Variants in PCDHGB4 observed in about 807,000 individuals in gnomAD.
The protein encoded by PCDHGB4 is protocadherin gamma-B4.
PCDHGB4 carries 38 observed loss-of-function variants against 60.5 expected under a neutral mutation model. The observed-to-expected ratio is 0.63, with a 90% CI of 0.48 to 0.82. The LOEUF is 0.82. PCDHGB4 is among the 40% of genes least tolerant of loss of function. The probability of loss-of-function intolerance (pLI) is 0.00; values close to 1 mark genes in which losing one functional copy is unlikely to be tolerated. For missense variants in PCDHGB4, 1,109 were observed against 1,209.6 expected (o/e 0.92, Z 1.23); for synonymous variants, 456 against 509.7 (o/e 0.89, Z 1.42).
Position 141,490,226 on chromosome 5 carries a change from C to T in PCDHGB4, c.2398-4581C>T. On this transcript the variant is annotated intron_variant, in intron 1 of 3. Coordinates refer to ENST00000519479, the MANE Select transcript of PCDHGB4 (RefSeq NM_003736.4). This position sits in a 1 kb window ranked among gnomAD's most constrained non-coding sequence, Gnocchi z 5.4. ...AGAGCCCGTGACCAGGGACAGCCTG[C>T]CATGGAGGGCCACTGTGTGATTCAA... The T allele has an allele frequency of 6.2e-7, 1 of 1,614,168 alleles. No homozygotes were observed. Among genetic ancestry groups the T allele is most frequent in the Non-Finnish European group, 8.5e-7 (1 of 1,180,020 alleles).
chr5:141,429,377 G>T (rs1029180912), intron 1 of PCDHGB4, among the ~76,000 whole-genome samples: 1 of 149,434 alleles, frequency 6.7e-6, no homozygotes, highest in African/African-American at 2.5e-5. Context: ...GAGAAAATGT[G>T]TTTTTTTTTT....
At chr5:141,438,896 CCT>C (rs886177991) in intron 1 of PCDHGB4, among the ~76,000 whole-genome samples, 30 of 151,820 alleles carry the variant, frequency 2.0e-4, no homozygotes, top group Non-Finnish European at 7.4e-5. Context: ...GAACTCCTGA[CCT>C]CAGGTGATCC....
chr5:141,436,842 T>G (rs986680968), intron 1 of PCDHGB4, among the ~76,000 whole-genome samples: 3 of 152,376 alleles, frequency 2.0e-5, no homozygotes, highest in African/African-American at 7.2e-5. Flanking sequence ...CCTAGGCACA[T>G]TCTTGATTGA....
chr5:141,402,867 C>T, intron 1 of PCDHGB4: 2 of 1,443,510 alleles, frequency 1.4e-6, no homozygotes, highest in Non-Finnish European at 1.8e-6. Context: ...AGGAAAAGAT[C>T]ACCATACTTT....
chr5:141,509,067 C>T (rs987332283), intron 3 of PCDHGB4, among the ~76,000 whole-genome samples: 1 of 152,132 alleles, frequency 6.6e-6, no homozygotes, highest in African/African-American at 2.4e-5. Flanking sequence ...CTCTCAGCTC[C>T]GGGGATTTGC....
Position 141,491,869 on chromosome 5 carries a change from G to A in PCDHGB4, c.2398-2938G>A. On this transcript the variant is annotated intron_variant, in intron 1 of 3. Transcript: ENST00000519479. The surrounding 1 kb of genome is among the most constrained non-coding windows in gnomAD (Gnocchi z 6.9). ...GGACCGTTTGCGCGAAACCAGAGTG[G>A]CCGATTAAGGGATGGGGCTCCGAGC... The A allele has an allele frequency of 6.9e-7, 1 of 1,453,094 alleles. No individual in the cohort carries two copies. Among genetic ancestry groups the A allele is most frequent in the Non-Finnish European group, 9.1e-7 (1 of 1,099,380 alleles). 90.0% of individuals were successfully genotyped at this position (1,453,094 alleles called of 1,614,324 possible).
chr5:141,408,660 C>T, intron 1 of PCDHGB4: 1 of 1,613,980 alleles, frequency 6.2e-7, no homozygotes, highest in East Asian at 2.2e-5. Context: ...ACACGACTAT[C>T]GCTTGACCCT....
In PCDHGB4 at chr5:141,428,081, C is replaced by A. The variant is rs768842388; in HGVS notation, c.2397+37800C>A. 14 of 1,609,100 alleles carry A rather than the reference C, an allele frequency of 8.7e-6. No individual in the cohort carries two copies. In the African/African-American group the frequency reaches 1.1e-4, roughly 12 times the overall value. ...CGGTGGACGCAGATTCGGGACACAA[C>A]GCTTGGCTGTCCTACCACGTGCTGC... is the stretch of plus-strand genomic sequence containing the variant. On this transcript the variant is annotated intron_variant, in intron 1 of 3. Transcript: ENST00000519479.
At chr5:141,419,972 C>T (rs534128024) in intron 1 of PCDHGB4, 3 of 1,613,948 alleles carry the variant, frequency 1.9e-6, no homozygotes, top group South Asian at 1.1e-5. Flanking sequence ...GCTCTTTCTC[C>T]TCGCGGTGAT....
chr5:141,511,359 T>C lies in PCDHGB4; in HGVS notation c.*186T>C. The stretch of plus-strand genomic sequence containing the variant: ...CACCTACCCCTTCCCCCCCAGGGGG[T>C]TGAATATGCAAAAGCAGTTCCGCTG... On this transcript the variant is annotated 3_prime_UTR_variant, in exon 4 of 4. Coordinates refer to ENST00000519479, the MANE Select transcript of PCDHGB4 (RefSeq NM_003736.4). The C allele has an allele frequency of 2.2e-6, 3 of 1,339,338 alleles. No homozygotes were observed. In the South Asian group the frequency reaches 4.6e-5, roughly 20 times the overall value. The allele number at this position is 1,339,338 out of a possible 1,614,324, so 83.0% of individuals were successfully genotyped here. A position where few individuals can be genotyped will look rare whatever the true frequency, so the allele number is the denominator to read the frequency against.
intron 1 of PCDHGB4, chr5:141,395,872 T>G (rs950924655): frequency 2.0e-5 from 3 of 152,138 alleles, no homozygotes; most frequent in Non-Finnish European, 4.4e-5. Context: ...ATTAAGTATG[T>G]GAGTCAGTGG....
rs769351399 is a variant in PCDHGB4, at chr5:141,432,649, A to G, written c.2397+42368A>G. The G allele has an allele frequency of 6.2e-7, 1 of 1,613,742 alleles. No homozygotes were observed. The highest frequency in any genetic ancestry group is 1.1e-5 in the South Asian group (1 of 91,054). ...ACACGGGCGAGGTGCGCACGGCGCG[A>G]GCCCTGCTGGACAGAGACGCGCTCA... is the stretch of plus-strand genomic sequence containing the variant. On this transcript the variant is annotated intron_variant, in intron 1 of 3. Coordinates refer to ENST00000519479, the MANE Select transcript of PCDHGB4 (RefSeq NM_003736.4). The surrounding 1 kb of genome is among the most constrained non-coding windows in gnomAD (Gnocchi z 6.0).
intron 1 of PCDHGB4, chr5:141,393,362 G>C (rs1377325166): frequency 5.0e-6 from 8 of 1,613,978 alleles, no homozygotes; most frequent in Non-Finnish European, 6.8e-6. Context: ...TGGACGTGCA[G>C]ACTGGAGACA....
rs1253223100 is a variant in PCDHGB4 at position 141,493,049 on chromosome 5, T to C, written c.2398-1758T>C. Among the ~76,000 whole-genome samples the C allele has an allele frequency of 6.6e-6, 1 of 152,188 alleles. No homozygotes were observed. Among genetic ancestry groups the C allele is most frequent in the Non-Finnish European group, 1.5e-5 (1 of 68,032 alleles). Reference sequence around the variant, plus strand: ...GCCCTTATGTGTGAGGAAACTACAATAGTAAAAAACACAAGTTTCTCCAAC... The same window carrying C: ...GCCCTTATGTGTGAGGAAACTACAACAGTAAAAAACACAAGTTTCTCCAAC... On this transcript the variant is annotated intron_variant, in intron 1 of 3. Transcript: ENST00000519479. This position sits in a 1 kb window ranked among gnomAD's most constrained non-coding sequence, Gnocchi z 4.3.
At chr5:141,398,743 A>C (rs770231078) in intron 1 of PCDHGB4, 2 of 1,613,864 alleles carry the variant, frequency 1.2e-6, no homozygotes, top group Admixed American at 3.3e-5. Flanking sequence ...GGAACAACAG[A>C]GTTACCATCG....
chr5:141,448,439 C>T (rs182359185), intron 1 of PCDHGB4, among the ~76,000 whole-genome samples: 7 of 152,232 alleles, frequency 4.6e-5, no homozygotes, highest in Admixed American at 4.6e-4. Context: ...ATTGAGAAGT[C>T]TGACTTCCAT....
In PCDHGB4 at chr5:141,438,327, A is replaced by G. The variant is rs369043587; in HGVS notation, c.2397+48046A>G. 1.5e-4 allele frequency among the ~76,000 whole-genome samples: 23 copies of G among 152,106 alleles called. No homozygotes were observed. The East Asian group carries it at 4.1e-3, about 27-fold the overall frequency. ...TTGGTACCACCATAATTTTTCTTAT[A>G]CATGTCATATAAGGATCTACTCTGT... On this transcript the variant is annotated intron_variant, in intron 1 of 3. Transcript: ENST00000519479.
At chr5:141,390,318 C>T in intron 1 of PCDHGB4, 37 bp downstream of exon 1, 1 of 1,609,020 alleles carries the variant, frequency 6.2e-7, no homozygotes, top group Non-Finnish European at 8.5e-7. Context: ...TGCTCATTGC[C>T]TACCCATTTC....
chr5:141,498,971 G>GGGAAGGAAGGAAGGAAGGAA (rs201769957), intron 2 of PCDHGB4, among the ~76,000 whole-genome samples: 36 of 111,052 alleles, frequency 3.2e-4, no homozygotes, highest in African/African-American at 9.0e-4. Context: ...GAGGGAGGGA[G>GGGAAGGAAGGAAGGAAGGAA]GGAAGGAAGG....
Sources: allele counts gnomAD v4.1 joint callset (sites outside exome capture counted in the v4.1 genomes callset), GRCh38; gene constraint gnomAD v4.1.1; non-coding constraint Gnocchi (gnomAD v3.1); transcripts MANE v1.5; gene names NCBI Gene and HGNC (gene_info 2026-07-23, HGNC 2026-07-21).